Variants in GRK7 observed in about 807,000 individuals in gnomAD.
GRK7 encodes rhodopsin kinase GRK7.
A neutral mutation model predicts 34.1 loss-of-function variants in GRK7; 24 were observed. The observed-to-expected ratio is 0.70, with a 90% CI of 0.51 to 0.99. The LOEUF (loss-of-function observed/expected upper bound fraction) is 0.99, where lower values mean the gene tolerates loss of function less well. GRK7 is among the 50% of genes least tolerant of loss of function. GRK7 has a pLI of 0.00. For synonymous variants in GRK7, 256 were observed against 279.4 expected (o/e 0.92, Z 0.84); for missense variants, 644 against 707.3 (o/e 0.91, Z 1.02).
chr3:141,815,061 A>T (rs1711136642), intron 5 of GRK7, among the ~76,000 whole-genome samples: 1 of 151,582 alleles, frequency 6.6e-6, no homozygotes, highest in Non-Finnish European at 1.5e-5. Context: ...AGTAGCTGGG[A>T]CTACAGGCAC....
the GRK7 span, among the ~76,000 whole-genome samples, chr3:141,756,696 A>G: frequency 1.3e-5 from 2 of 152,228 alleles, no homozygotes; most frequent in Admixed American, 6.5e-5. Flanking sequence ...GATGGCTATT[A>G]TTATTGAAGA....
rs577662470 is a variant in GRK7 at position 141,781,826 on chromosome 3, C to T, written c.1050+1015C>T. 1.9e-4 allele frequency among the ~76,000 whole-genome samples: 29 copies of T among 152,272 alleles called. No individual in the cohort carries two copies. In the South Asian group the frequency reaches 4.4e-3, roughly 23 times the overall value. On this transcript the variant is annotated intron_variant, in intron 4 of 5. Coordinates refer to ENST00000682958, the MANE Select transcript of GRK7 (RefSeq NM_139209.3). Reference sequence around the variant, plus strand: ...TTAAGCGATTATGTTAGGTGAACGACGGAAAATCTCTGGAATTCTAACATC... The same window carrying T: ...TTAAGCGATTATGTTAGGTGAACGATGGAAAATCTCTGGAATTCTAACATC...
intron 4 of GRK7, among the ~76,000 whole-genome samples, chr3:141,805,968 A>G (rs16851813): frequency 0.024 from 3,612 of 152,146 alleles, 126 homozygotes; most frequent in African/African-American, 0.082. Flanking sequence ...AACTTTTCCA[A>G]CCTTTCCTGA....
intron 4 of GRK7, among the ~76,000 whole-genome samples, chr3:141,789,663 A>AAAAAAAAAAAAACAAAAAAC (rs796539386): frequency 2.0e-5 from 3 of 146,770 alleles, no homozygotes; most frequent in African/African-American, 7.7e-5. Flanking sequence ...GGGCAAAAAA[A>AAAAAAAAAAAAACAAAAAAC]AAAAAAACAC....
intron 4 of GRK7, among the ~76,000 whole-genome samples, chr3:141,798,850 T>C (rs1180855207): frequency 6.6e-6 from 1 of 152,242 alleles, no homozygotes; most frequent in Non-Finnish European, 1.5e-5. Context: ...GGTGGTGCCC[T>C]TCAAAGCTCC....
chr3:141,762,963 C>G (rs1198498456), upstream of GRK7, among the ~76,000 whole-genome samples: 1 of 152,240 alleles, frequency 6.6e-6, no homozygotes. Context: ...CCAGGTGAGG[C>G]AATGCCTCGC....
chr3:141,808,789 A>G (rs1239038988), intron 5 of GRK7, among the ~76,000 whole-genome samples: 1 of 152,168 alleles, frequency 6.6e-6, no homozygotes, highest in Non-Finnish European at 1.5e-5. Context: ...TTGTCTAATG[A>G]GTATAAATTT....
rs550959736 is a variant in GRK7 at position 141,791,359 on chromosome 3, G to GT, written c.1050+10558dup. Among the ~76,000 whole-genome samples the GT allele has an allele frequency of 3.6e-3, 536 of 149,492 alleles. 1 individual carries two copies. Among genetic ancestry groups the GT allele is most frequent in the Admixed American group, 8.3e-3 (124 of 14,998 alleles). ...ACAACCATCATGACCATGCCCCCCA[G>GT]TTTTTTTTTTCTTTAAGTGCTCACT... On this transcript the variant is annotated intron_variant, in intron 4 of 5. Transcript: ENST00000682958.
rs1323377635 is a variant in GRK7 at position 141,819,291 on chromosome 3, G to A, written c.*2241G>A. ...CTAATAATTAAAGATAAATATCTCA[G>A]TTTTTAAAAGGACAAAAAATTTGGA... On this transcript the variant is annotated 3_prime_UTR_variant, in exon 6 of 6. Coordinates refer to ENST00000682958, the MANE Select transcript of GRK7 (RefSeq NM_139209.3). Among the ~76,000 whole-genome samples the A allele has an allele frequency of 6.6e-6, 1 of 152,122 alleles. No homozygotes were observed. Among genetic ancestry groups the A allele is most frequent in the Non-Finnish European group, 1.5e-5 (1 of 68,010 alleles).
upstream of GRK7, among the ~76,000 whole-genome samples, chr3:141,762,963 C>T (rs1198498456): frequency 2.6e-5 from 4 of 152,240 alleles, no homozygotes; most frequent in East Asian, 7.7e-4. Flanking sequence ...CCAGGTGAGG[C>T]AATGCCTCGC....
At chr3:141,766,983 T>G (rs2084584184) in intron 1 of GRK7, among the ~76,000 whole-genome samples, 1 of 152,260 alleles carries the variant, frequency 6.6e-6, no homozygotes, top group Non-Finnish European at 1.5e-5. Context: ...TGACTCCTTG[T>G]TTAAGAAGAA....
chr3:141,780,827 C>T lies in GRK7; in HGVS notation c.1050+16C>T, dbSNP rs1229870629. On this transcript the variant is annotated intron_variant, in intron 4 of 5. Transcript: ENST00000682958. ...CACCCAGAGGGTGAGTGACTCTCCA[C>T]CTGCCCCAAGTGCGGGGCACAGAGT... The T allele has an allele frequency of 9.4e-6, 15 of 1,602,364 alleles. No individual in the cohort carries two copies. In the African/African-American group the frequency reaches 1.3e-4, roughly 14 times the overall value.
chr3:141,787,334 T>C (rs965902219), intron 4 of GRK7, among the ~76,000 whole-genome samples: 4 of 152,042 alleles, frequency 2.6e-5, no homozygotes, highest in Non-Finnish European at 5.9e-5. Flanking sequence ...TCAAAATTAG[T>C]GGAGAAGGGC....
intron 4 of GRK7, among the ~76,000 whole-genome samples, chr3:141,796,794 T>C (rs16851811): frequency 0.063 from 9,542 of 152,272 alleles, 983 homozygotes; most frequent in African/African-American, 0.22. Flanking sequence ...TATTGATCTC[T>C]GACCATGTGC....
rs77966274 is a variant in GRK7, at chr3:141,769,840, C to A, written c.-215+4102C>A. Reference sequence around the variant, plus strand: ...TGCAGTCCCAGCTCCTACCAGACAGCCCCTGTATTACTCTCCTGTGGCTGC... The same window carrying A: ...TGCAGTCCCAGCTCCTACCAGACAGACCCTGTATTACTCTCCTGTGGCTGC... On this transcript the variant is annotated intron_variant, in intron 1 of 5. Transcript: ENST00000682958. Among the ~76,000 whole-genome samples the A allele has an allele frequency of 5.2e-3, 785 of 152,334 alleles. 3 individuals are homozygous for A. Among genetic ancestry groups the A allele is most frequent in the African/African-American group, 0.018 (760 of 41,578 alleles).
chr3:141,750,662 A>G, the GRK7 span, among the ~76,000 whole-genome samples: 2 of 151,998 alleles, frequency 1.3e-5, no homozygotes, highest in Non-Finnish European at 2.9e-5. Flanking sequence ...AGAAAGGAAT[A>G]TTGTTTGCAG....
chr3:141,780,566 A>C lies in GRK7; in HGVS notation c.805A>C (p.Ser269Arg). The C allele has an allele frequency of 6.2e-7, 1 of 1,614,208 alleles. No individual in the cohort carries two copies. Among genetic ancestry groups the C allele is most frequent in the Non-Finnish European group, 8.5e-7 (1 of 1,180,042 alleles). The change falls in exon 4 of 6, where the codon AGC becomes CGC. Residue 269 changes from serine (S) to arginine (R), a missense_variant. Physicochemically the swap from Ser to Arg is moderately radical, Grantham distance 110. Coordinates refer to ENST00000682958, the MANE Select transcript of GRK7 (RefSeq NM_139209.3). ...CAAGACCCATCTCTGCCTTGTCATGAGCCTGATGAATGGGGGAGACCTCAA... is the reference window on the plus strand; with the variant it reads ...CAAGACCCATCTCTGCCTTGTCATGCGCCTGATGAATGGGGGAGACCTCAA... ...ESKTHLCLVM[S>R]LMNGGDLKFH...
intron 4 of GRK7, among the ~76,000 whole-genome samples, chr3:141,784,822 T>C (rs1337856063): frequency 6.6e-6 from 1 of 152,086 alleles, no homozygotes; most frequent in Non-Finnish European, 1.5e-5. Context: ...CTTTAAGAGG[T>C]GAGTGGACCA....
At chr3:141,757,468 A>G in the GRK7 span, among the ~76,000 whole-genome samples, 3 of 113,314 alleles carry the variant, frequency 2.6e-5, no homozygotes, top group Admixed American at 3.0e-4. Flanking sequence ...CCATGTCCCT[A>G]CAAAGGACAT....
Sources: allele counts gnomAD v4.1 joint callset (sites outside exome capture counted in the v4.1 genomes callset), GRCh38; gene constraint gnomAD v4.1.1; transcripts MANE v1.5; gene names NCBI Gene and HGNC (gene_info 2026-07-23, HGNC 2026-07-21).